The following USP5 variants were observed in gnomAD, a reference collection of about 807,000 sequenced individuals.
USP5 encodes ubiquitin carboxyl-terminal hydrolase 5.
A neutral mutation model predicts 102.5 loss-of-function variants in USP5; 24 were observed. The ratio of observed to expected loss-of-function variants is 0.23; its 90% CI spans 0.17 to 0.33. USP5 has a LOEUF of 0.33. Among genes scored for constraint, USP5 ranks in the 10% least tolerant of loss-of-function variants. USP5 has a pLI of 1.00. For missense variants in USP5, 753 were observed against 1,122.1 expected, an observed-to-expected ratio of 0.67 and a Z score of 4.70; for synonymous variants, 460 against 434.8, an observed-to-expected ratio of 1.06 and a Z score of -0.72.
At position 6,864,455 on chromosome 12, in the gene USP5, T is replaced by C. The variant is rs1464833051; in HGVS notation, c.2244+260T>C. ...CTGTAATCCCAGCACTTTGGGAGGG[T>C]GAGGTGGGCGGATCACGCGGTCAGC... On this transcript the variant is annotated intron_variant, in intron 17 of 19. Transcript: ENST00000229268. The surrounding 1 kb of genome is among the most constrained non-coding windows in gnomAD (Gnocchi z 4.8). Among the ~76,000 whole-genome samples, 3 of 151,996 alleles carry C rather than the reference T, an allele frequency of 2.0e-5. No individual in the cohort carries two copies. Among genetic ancestry groups the C allele is most frequent in the Admixed American group, 6.6e-5 (1 of 15,266 alleles).
Position 6,866,555 on chromosome 12 carries a change from T to G in USP5, c.*478T>G. 1 of 161,786 alleles carries G rather than the reference T, an allele frequency of 6.2e-6. No homozygotes were observed. The highest frequency in any genetic ancestry group is 2.4e-5 in the African/African-American group (1 of 41,812). 10.0% of individuals were successfully genotyped at this position (161,786 alleles called of 1,614,324 possible). A position where few individuals can be genotyped will look rare whatever the true frequency, so the allele number is the denominator to read the frequency against. ...CGACTTGCCCTCCTGCCTCAGTCTTTCCCCCACCCTGTCTCTTCCTTGTCC... is the reference window on the plus strand; with the variant it reads ...CGACTTGCCCTCCTGCCTCAGTCTTGCCCCCACCCTGTCTCTTCCTTGTCC... On this transcript the variant is annotated 3_prime_UTR_variant, in exon 20 of 20. Transcript: ENST00000229268. This position sits in a 1 kb window ranked among gnomAD's most constrained non-coding sequence, Gnocchi z 4.7.
chr12:6,856,015 A>G lies in USP5; in HGVS notation c.305-2A>G. On this transcript the variant is annotated splice_acceptor_variant, in intron 3 of 19. Coordinates refer to ENST00000229268, the MANE Select transcript of USP5 (RefSeq NM_001098536.2). LOFTEE classifies it high-confidence loss of function. This position sits in a 1 kb window ranked among gnomAD's most constrained non-coding sequence, Gnocchi z 5.6. ...TCTCCCTCTTCTTCCCTATCCTTCC[A>G]GGTGTTGAAGGCGGATTTGACCTTA... 1 of 1,614,084 alleles carries G rather than the reference A, an allele frequency of 6.2e-7. No homozygotes were observed. The highest frequency in any genetic ancestry group is 8.5e-7 in the Non-Finnish European group (1 of 1,180,006).
chr12:6,863,377 T>A lies in USP5; in HGVS notation c.1954T>A (p.Ser652Thr). The part of the protein sequence containing the change: ...FCSPHFSSPT[S>T]PMLDESVIIQ... The stretch of plus-strand genomic sequence containing the variant: ...CTCCCCTCACTTCTCCTCTCCGACA[T>A]GTTAGTGACTCTTCTTCCTGCCTGT... The change falls in exon 15 of 20, where the codon TCG becomes ACG. Residue 652 changes from serine to threonine, a missense_variant and splice_region_variant. By Grantham distance (58) the Ser-to-Thr change is moderately conservative (BLOSUM62 1). Transcript: ENST00000229268. This position sits in a 1 kb window ranked among gnomAD's most constrained non-coding sequence, Gnocchi z 4.7. 6.2e-7 allele frequency: 1 copy of A among 1,612,974 alleles called. No homozygotes were observed. Among genetic ancestry groups the A allele is most frequent in the Non-Finnish European group, 8.5e-7 (1 of 1,179,274 alleles).
At chr12:6,865,314 G>T (rs1424881496) in intron 19 of USP5, 66 bp downstream of exon 19, 1 of 1,444,276 alleles carries the variant, frequency 6.9e-7, no homozygotes, top group African/African-American at 1.4e-5. Context: ...CCATTTGGAA[G>T]TCCTTGGGAT....
At chr12:6,865,068 T>C in intron 18 of USP5, 96 bp from the exon 19 acceptor site, 1 of 1,334,612 alleles carries the variant, frequency 7.5e-7, no homozygotes, top group Non-Finnish European at 1.1e-6. Flanking sequence ...TCCCTGAAAC[T>C]CCTGTCCTGA....
Position 6,855,722 on chromosome 12 carries a change from A to G in USP5, c.238-33A>G, listed in dbSNP as rs1488009567. The G allele has an allele frequency of 1.2e-6, 2 of 1,613,638 alleles. No homozygotes were observed. Among genetic ancestry groups the G allele is most frequent in the African/African-American group, 1.3e-5 (1 of 74,890 alleles). On this transcript the variant is annotated intron_variant, in intron 2 of 19. Transcript: ENST00000229268. The surrounding 1 kb of genome is among the most constrained non-coding windows in gnomAD (Gnocchi z 4.6). Reference sequence around the variant, plus strand: ...CCGACTTGTTCCTTCGCTCGTGCTCATTGCTGATCCAGCCCTTCCTGCTTC... The same window carrying G: ...CCGACTTGTTCCTTCGCTCGTGCTCGTTGCTGATCCAGCCCTTCCTGCTTC...
At chr12:6,854,441 C>G (rs1233614635) in intron 1 of USP5, among the ~76,000 whole-genome samples, 2 of 152,252 alleles carry the variant, frequency 1.3e-5, no homozygotes, top group Non-Finnish European at 1.5e-5. Context: ...GTTCGACTAC[C>G]TGGTAGAATG....
chr12:6,856,599 A>AAG lies in USP5; in HGVS notation c.585-98_585-97dup, dbSNP rs3831603. 5 of 1,548,458 alleles carry AAG rather than the reference A, an allele frequency of 3.2e-6. No individual in the cohort carries two copies. The highest frequency in any genetic ancestry group is 2.7e-5 in the African/African-American group (2 of 73,174). ...CACGACATGGGGATGGCCAGAGGAG[A>AAG]AGAGAGAGAGACCTTGGATTGGCGG... On this transcript the variant is annotated intron_variant, in intron 5 of 19. Coordinates refer to ENST00000229268, the MANE Select transcript of USP5 (RefSeq NM_001098536.2). This position sits in a 1 kb window ranked among gnomAD's most constrained non-coding sequence, Gnocchi z 5.6.
Position 6,861,643 on chromosome 12 carries a change from G to A in USP5, c.1673+26G>A, listed in dbSNP as rs1944282219. On this transcript the variant is annotated intron_variant, in intron 13 of 19. Coordinates refer to ENST00000229268, the MANE Select transcript of USP5 (RefSeq NM_001098536.2). This position sits in a 1 kb window ranked among gnomAD's most constrained non-coding sequence, Gnocchi z 4.9. ...GTAAGTCCTCTGGTCGGGGCCTGAG[G>A]CTGTGGGTCTATGGCAGAGCTATCC... The A allele has an allele frequency of 2.6e-6, 4 of 1,512,386 alleles. No homozygotes were observed. Among genetic ancestry groups the A allele is most frequent in the Non-Finnish European group, 3.5e-6 (4 of 1,128,684 alleles). 93.7% of individuals were successfully genotyped at this position (1,512,386 alleles called of 1,614,324 possible). A position where few individuals can be genotyped will look rare whatever the true frequency, so the allele number is the denominator to read the frequency against.
chr12:6,855,149 G>A lies in USP5; in HGVS notation c.112-252G>A, dbSNP rs1272938640. On this transcript the variant is annotated intron_variant, in intron 1 of 19. Transcript: ENST00000229268. This position sits in a 1 kb window ranked among gnomAD's most constrained non-coding sequence, Gnocchi z 4.6. ...GTGACTGGTGTTGCTGTTGAATGGC[G>A]ACGATGAGCTGGTGTTCCTCAGCCC... Among the ~76,000 whole-genome samples, 2 of 152,176 alleles carry A rather than the reference G, an allele frequency of 1.3e-5. No individual in the cohort carries two copies. Among genetic ancestry groups the A allele is most frequent in the Non-Finnish European group, 2.9e-5 (2 of 68,042 alleles).
chr12:6,861,674 G>A lies in USP5; in HGVS notation c.1673+57G>A. 7.0e-7 allele frequency: 1 copy of A among 1,428,236 alleles called. No homozygotes were observed. Among genetic ancestry groups the A allele is most frequent in the South Asian group, 1.5e-5 (1 of 65,356 alleles). The allele number at this position is 1,428,236 out of a possible 1,614,324, so 88.5% of individuals were successfully genotyped here. A position where few individuals can be genotyped will look rare whatever the true frequency, so the allele number is the denominator to read the frequency against. On this transcript the variant is annotated intron_variant, in intron 13 of 19. Transcript: ENST00000229268. The surrounding 1 kb of genome is among the most constrained non-coding windows in gnomAD (Gnocchi z 4.9). Reference sequence around the variant, plus strand: ...GGTCTATGGCAGAGCTATCCCAGAGGATACTTCTGTCTCTTCCCTGTTCTT... The same window carrying A: ...GGTCTATGGCAGAGCTATCCCAGAGAATACTTCTGTCTCTTCCCTGTTCTT...
chr12:6,865,076 T>C (rs1016174395), intron 18 of USP5, 88 bp from the exon 19 acceptor site: 5 of 1,363,648 alleles, frequency 3.7e-6, no homozygotes, highest in Admixed American at 1.8e-5. Context: ...ACTCCTGTCC[T>C]GAGTCTGAGC....
In USP5 at chr12:6,866,068, G is replaced by C; in HGVS notation, c.2568G>C (p.Val856=). 6.2e-7 allele frequency: 1 copy of C among 1,614,100 alleles called. No homozygotes were observed. Among genetic ancestry groups the C allele is most frequent in the Non-Finnish European group, 8.5e-7 (1 of 1,179,992 alleles). ...GCTACATCTACTTCTACCAGAGAGTGGCCAGCTAAGAGCCTGCCTCACCCC... is the reference window on the plus strand; with the variant it reads ...GCTACATCTACTTCTACCAGAGAGTCGCCAGCTAAGAGCCTGCCTCACCCC... ...DLGYIYFYQR[V]AS is the part of the protein sequence containing the mutation. The change falls in exon 20 of 20, where the codon GTG becomes GTC. Residue 856 remains valine (V), a synonymous_variant. Transcript: ENST00000229268. The surrounding 1 kb of genome is among the most constrained non-coding windows in gnomAD (Gnocchi z 4.7).
In USP5 at chr12:6,856,428, A is replaced by G; in HGVS notation, c.562A>G (p.Asn188Asp). ...KHAFSLKQLD[N>D]PARIPPCGWK... ...TGCCTTCAGCCTCAAGCAGTTGGAC[A>G]ACCCTGCTCGAATCCCTCCCTGGTG... The change falls in exon 5 of 20, where the codon AAC (asparagine) becomes GAC (aspartate). Residue 188 changes from asparagine (N) to aspartate (D), a missense_variant. Around this residue, in one of 3 missense-constraint regions of USP5, gnomAD observed 527 missense variants for 816.5 expected, o/e 0.65. Transcript: ENST00000229268. The surrounding 1 kb of genome is among the most constrained non-coding windows in gnomAD (Gnocchi z 5.6). 6.2e-7 allele frequency: 1 copy of G among 1,612,750 alleles called. No individual in the cohort carries two copies.
chr12:6,858,606 C>A lies in USP5; in HGVS notation c.1047C>A (p.Asp349Glu), dbSNP rs781876799. 1.9e-6 allele frequency: 3 copies of A among 1,604,608 alleles called. No individual in the cohort carries two copies. ...TCCAGGTGCTCTTCAGCATCCCTGA[C>A]TTCCAGAGGAAGTGAGTAGTGCCCT... ...SVVQVLFSIP[D>E]FQRKYVDKLE... Residue 349 changes from aspartate to glutamate, a missense_variant, in exon 8 of 20, where the codon GAC becomes GAA. By Grantham distance (45) the Asp-to-Glu change is conservative (BLOSUM62 2). Coordinates refer to ENST00000229268, the MANE Select transcript of USP5 (RefSeq NM_001098536.2). This position sits in a 1 kb window ranked among gnomAD's most constrained non-coding sequence, Gnocchi z 4.2.
Position 6,858,901 on chromosome 12 carries a change from C to A in USP5, c.1058+284C>A. 6.9e-6 allele frequency: 2 copies of A among 290,936 alleles called. No homozygotes were observed. The highest frequency in any genetic ancestry group is 1.3e-5 in the Non-Finnish European group (2 of 149,480). 18.0% of individuals were successfully genotyped at this position (290,936 alleles called of 1,614,324 possible). On this transcript the variant is annotated intron_variant, in intron 8 of 19. Transcript: ENST00000229268. This position sits in a 1 kb window ranked among gnomAD's most constrained non-coding sequence, Gnocchi z 4.2. The stretch of plus-strand genomic sequence containing the variant: ...TTCCTGTCACACTCTGGCTGACATG[C>A]TGTGAGGGGAGCAAGTTAGGGAGCT...
chr12:6,854,425 A>G (rs991190573), intron 1 of USP5, among the ~76,000 whole-genome samples: 1 of 152,100 alleles, frequency 6.6e-6, no homozygotes, highest in Non-Finnish European at 1.5e-5. Flanking sequence ...CACAGTGTGG[A>G]CCAGGGTTCG....
Position 6,852,306 on chromosome 12 carries a change from A to G in USP5, c.111+16A>G, listed in dbSNP as rs1555127044. 3.2e-5 allele frequency: 51 copies of G among 1,594,898 alleles called. No homozygotes were observed. Among genetic ancestry groups the G allele is most frequent in the Non-Finnish European group, 4.3e-5 (50 of 1,170,428 alleles). On this transcript the variant is annotated intron_variant, in intron 1 of 19. Coordinates refer to ENST00000229268, the MANE Select transcript of USP5 (RefSeq NM_001098536.2). ...CGACACGCCGGTAAGCCCATTCCCCACGCCCGCAACGAGCACGACTTCCTT... is the reference window on the plus strand; with the variant it reads ...CGACACGCCGGTAAGCCCATTCCCCGCGCCCGCAACGAGCACGACTTCCTT...
At chr12:6,859,628 C>T in intron 9 of USP5, 87 bp downstream of exon 9, 1 of 1,291,920 alleles carries the variant, frequency 7.7e-7, no homozygotes, top group South Asian at 1.2e-5. Context: ...GGGCACAGCA[C>T]TTTAACCCCT....
Sources: allele counts gnomAD v4.1 joint callset (sites outside exome capture counted in the v4.1 genomes callset), GRCh38; gene constraint gnomAD v4.1.1; regional missense constraint gnomAD v4.1.1; non-coding constraint Gnocchi (gnomAD v3.1); transcripts MANE v1.5; gene names NCBI Gene and HGNC (gene_info 2026-07-23, HGNC 2026-07-21).